Variants in SERINC5 observed in about 807,000 individuals in gnomAD.
SERINC5 encodes chromosome 5 open reading frame 12.
A neutral mutation model predicts 63.1 loss-of-function variants in SERINC5; 41 were observed. That is an observed-to-expected ratio of 0.65 (90% confidence interval 0.51 to 0.84). SERINC5 has a LOEUF of 0.84. Among genes scored for constraint, SERINC5 ranks in the 40% least tolerant of loss-of-function variants. The probability of loss-of-function intolerance (pLI) is 0.00; values close to 1 mark genes in which losing one functional copy is unlikely to be tolerated. For missense variants in SERINC5, 523 were observed against 573.0 expected, an observed-to-expected ratio of 0.91 and a Z score of 0.89; for synonymous variants, 222 against 215.2, an observed-to-expected ratio of 1.03 and a Z score of -0.28.
At chr5:80,184,345 C>T (rs781343933) in intron 2 of SERINC5, among the ~76,000 whole-genome samples, 2 of 152,186 alleles carry the variant, frequency 1.3e-5, no homozygotes, top group Non-Finnish European at 2.9e-5. Context: ...GCCCATCTTT[C>T]ACCTTTAGAC....
chr5:80,167,766 T>TA (rs1349871051), intron 6 of SERINC5, among the ~76,000 whole-genome samples: 21 of 152,332 alleles, frequency 1.4e-4, no homozygotes, highest in African/African-American at 4.8e-4. Flanking sequence ...TCAAGGAAAC[T>TA]AAGGGTTCAG....
chr5:80,197,733 C>T (rs1749599887), intron 2 of SERINC5, among the ~76,000 whole-genome samples: 2 of 152,196 alleles, frequency 1.3e-5, no homozygotes, highest in African/African-American at 2.4e-5. Context: ...TCCCAGGGTG[C>T]CTAAATCTGA....
chr5:80,241,659 C>CCTCT (rs2112591706), intron 1 of SERINC5, among the ~76,000 whole-genome samples: 1 of 151,858 alleles, frequency 6.6e-6, no homozygotes, highest in South Asian at 2.1e-4. Flanking sequence ...TATGATTGCA[C>CCTCT]CTCTGCACCC....
intron 1 of SERINC5, among the ~76,000 whole-genome samples, chr5:80,237,345 CT>C (rs61277664): frequency 6.6e-6 from 1 of 150,836 alleles, no homozygotes; most frequent in African/African-American, 2.4e-5. Context: ...CTTTCTCTCT[CT>C]TTTTTTTTCA....
At chr5:80,230,795 T>TTC (rs72030629) in intron 1 of SERINC5, among the ~76,000 whole-genome samples, 3 of 119,354 alleles carry the variant, frequency 2.5e-5, no homozygotes, top group Non-Finnish European at 5.7e-5. Context: ...CTTTCTTTCT[T>TTC]TCTCTCTCTC....
At chr5:80,219,281 G>A (rs946877804) in intron 1 of SERINC5, among the ~76,000 whole-genome samples, 10 of 152,112 alleles carry the variant, frequency 6.6e-5, no homozygotes, top group African/African-American at 2.2e-4. Context: ...TGAAAGTCCT[G>A]GTTTAACAGC....
chr5:80,135,952 G>T (rs1401736601), downstream of SERINC5, among the ~76,000 whole-genome samples: 1 of 152,056 alleles, frequency 6.6e-6, no homozygotes. Context: ...CAGGAGAGGG[G>T]AAGTGGGGAA....
At chr5:80,243,638 G>A (rs557494391) in intron 1 of SERINC5, among the ~76,000 whole-genome samples, 46 of 152,022 alleles carry the variant, frequency 3.0e-4, no homozygotes, top group African/African-American at 9.6e-4. Flanking sequence ...GGGCATGGTG[G>A]CTCACACCTG....
intron 1 of SERINC5, among the ~76,000 whole-genome samples, chr5:80,223,368 T>C (rs1402048098): frequency 1.3e-5 from 2 of 152,216 alleles, no homozygotes; most frequent in African/African-American, 2.4e-5. Flanking sequence ...TAATACCTGA[T>C]ACAATGTAAA....
chr5:80,216,763 C>T (rs1015973002), intron 1 of SERINC5, among the ~76,000 whole-genome samples: 28 of 152,166 alleles, frequency 1.8e-4, no homozygotes, highest in African/African-American at 6.3e-4. Flanking sequence ...GTAATCCCAG[C>T]ACTTTGGGAG....
intron 2 of SERINC5, among the ~76,000 whole-genome samples, chr5:80,186,824 A>AAGTTGT (rs1290704662): frequency 2.0e-5 from 3 of 152,112 alleles, no homozygotes; most frequent in Non-Finnish European, 2.9e-5. Flanking sequence ...AAGTAGGTGA[A>AAGTTGT]AGTTGTAGTT....
intron 1 of SERINC5, among the ~76,000 whole-genome samples, chr5:80,239,321 T>G (rs1751848640): frequency 6.6e-6 from 1 of 152,224 alleles, no homozygotes; most frequent in Admixed American, 6.5e-5. Context: ...TCAAACTGCC[T>G]GACCATTATC....
At chr5:80,228,928 G>A (rs1032244627) in intron 1 of SERINC5, among the ~76,000 whole-genome samples, 1 of 150,894 alleles carries the variant, frequency 6.6e-6, no homozygotes, top group Non-Finnish European at 1.5e-5. Flanking sequence ...AGAAAAAGGT[G>A]GAAAACAAAA....
rs573385145 is a variant in SERINC5 at position 80,178,792 on chromosome 5, C to T, written c.196-728G>A. 2.6e-4 allele frequency among the ~76,000 whole-genome samples: 11 copies of T among 41,672 alleles called. No homozygotes were observed. The South Asian group carries it at 0.015, about 55-fold the overall frequency. The allele number at this position is 41,672 out of a possible 152,430, so 27.3% of individuals were successfully genotyped here. Reference sequence around the variant, plus strand: ...TCCACCCAAAATGTCACTCCTCTCCCTCAGAAGAGTAAACAATTGGTGGGT... The same window carrying T: ...TCCACCCAAAATGTCACTCCTCTCCTTCAGAAGAGTAAACAATTGGTGGGT... On this transcript the variant is annotated intron_variant, in intron 2 of 11. Coordinates refer to ENST00000507668, the MANE Select transcript of SERINC5 (RefSeq NM_001174072.3).
At chr5:80,145,671 A>T (rs947892219) in intron 11 of SERINC5, among the ~76,000 whole-genome samples, 2 of 152,070 alleles carry the variant, frequency 1.3e-5, no homozygotes, top group African/African-American at 4.8e-5. Flanking sequence ...CTAACTTTCC[A>T]TTTTCTTAAA....
At chr5:80,224,059 G>C (rs933205667) in intron 1 of SERINC5, among the ~76,000 whole-genome samples, 2 of 149,638 alleles carry the variant, frequency 1.3e-5, no homozygotes, top group Non-Finnish European at 3.0e-5. Flanking sequence ...CTTGAACCTG[G>C]GAGGCAGAGG....
chr5:80,142,239 A>T lies in SERINC5; in HGVS notation c.*1424T>A, dbSNP rs962564245. The T allele has an allele frequency of 2.1e-6, 2 of 956,078 alleles. No homozygotes were observed. The highest frequency in any genetic ancestry group is 2.5e-6 in the Non-Finnish European group (2 of 815,516). The allele number at this position is 956,078 out of a possible 1,614,324, so 59.2% of individuals were successfully genotyped here. On this transcript the variant is annotated 3_prime_UTR_variant, in exon 12 of 12. Coordinates refer to ENST00000507668, the MANE Select transcript of SERINC5 (RefSeq NM_001174072.3). ...TAGGCATCATCTTGGGTAGCTGCCG[A>T]AAGTCACGTTTCTGTATTACTTTGC...
At position 80,146,239 on chromosome 5, in the gene SERINC5, G is replaced by A. The variant is rs1293356322; in HGVS notation, c.1094-5C>T. On this transcript the variant is annotated splice_polypyrimidine_tract_variant and splice_region_variant and intron_variant, in intron 10 of 11. Transcript: ENST00000507668. ...CCGGCTGCTGCTCTTCAGTGTCTGTGAAGCACAGAGGGAGCCCAGGCTCAA... is the reference window on the plus strand; with the variant it reads ...CCGGCTGCTGCTCTTCAGTGTCTGTAAAGCACAGAGGGAGCCCAGGCTCAA... 10 of 1,613,904 alleles carry A rather than the reference G, an allele frequency of 6.2e-6. 1 individual carries two copies. Among genetic ancestry groups the A allele is most frequent in the Middle Eastern group, 1.7e-4 (1 of 6,060 alleles).
At chr5:80,132,889 T>C (rs1341011459) in intron 11 of SERINC5, among the ~76,000 whole-genome samples, 1 of 152,230 alleles carries the variant, frequency 6.6e-6, no homozygotes, top group Non-Finnish European at 1.5e-5. Flanking sequence ...TGGGACCAAG[T>C]AACACATAGA....
Sources: gnomAD v4.1 joint callset for allele counts (sites outside exome capture counted in the v4.1 genomes callset) on GRCh38, gnomAD v4.1.1 for gene constraint, MANE v1.5 for transcripts, NCBI Gene and HGNC (gene_info 2026-07-23, HGNC 2026-07-21) for gene names.